ATP2C1: variants seen among roughly 807,000 people sequenced by gnomAD.
ATP2C1 encodes the protein calcium-transporting ATPase type 2C member 1.
In ATP2C1, 31 loss-of-function variants were observed where a neutral mutation model predicts 120.5. That is an observed-to-expected ratio of 0.26 (90% CI 0.19 to 0.35). ATP2C1 has a LOEUF of 0.35. ATP2C1 is among the 10% of genes least tolerant of loss of function. The pLI is 1.00. For missense variants in ATP2C1, 731 were observed against 1,107.5 expected, an observed-to-expected ratio of 0.66 and a Z score of 4.83; for synonymous variants, 351 against 358.7, an observed-to-expected ratio of 0.98 and a Z score of 0.24.
chr3:130,851,600 T>C lies in ATP2C1; in HGVS notation c.108+672T>C, dbSNP rs150051032. Among the ~76,000 whole-genome samples, 695 of 152,342 alleles carry C rather than the reference T, an allele frequency of 4.6e-3. 5 individuals are homozygous for C. Among genetic ancestry groups the C allele is most frequent in the African/African-American group, 0.016 (645 of 41,582 alleles). ...ATGCAGTCATTTTTATGGTGTGAGA[T>C]TTATATCATTCCATTTCTTTGATCT... On this transcript the variant is annotated intron_variant, in intron 1 of 26. Coordinates refer to the ATP2C1 transcript ENST00000504381.
intron 1 of ATP2C1, among the ~76,000 whole-genome samples, chr3:130,884,296 T>C (rs2068889989): frequency 6.6e-6 from 1 of 152,240 alleles, no homozygotes; most frequent in African/African-American, 2.4e-5. Context: ...TTGTTGAATT[T>C]CCACGTATCT....
At chr3:130,905,951 C>T (rs55812909) in intron 2 of ATP2C1, among the ~76,000 whole-genome samples, 3,219 of 152,090 alleles carry the variant, frequency 0.021, 119 homozygotes, top group African/African-American at 0.073. Flanking sequence ...TCATGCCCAT[C>T]GACTAAATCT....
At chr3:130,911,311 T>G (rs1179307737) in intron 2 of ATP2C1, among the ~76,000 whole-genome samples, 3 of 150,144 alleles carry the variant, frequency 2.0e-5, no homozygotes, top group Non-Finnish European at 4.4e-5. Flanking sequence ...TTATCATTTT[T>G]TATTGTGTCT....
chr3:130,953,534 A>G (rs907310078), intron 8 of ATP2C1, among the ~76,000 whole-genome samples: 3 of 152,206 alleles, frequency 2.0e-5, no homozygotes, highest in African/African-American at 7.2e-5. Context: ...CTAGATGAAG[A>G]TTGAGTCTTA....
rs753216597 is a variant in ATP2C1 at position 130,932,039 on chromosome 3, T to C, written c.135T>C (p.Gly45=). The C allele has an allele frequency of 3.0e-5, 49 of 1,610,800 alleles. No homozygotes were observed. Among genetic ancestry groups the C allele is most frequent in the Admixed American group, 6.7e-5 (4 of 59,984 alleles). ...TCTAATAGGCTGATCTTCAGAATGG[T>C]CTAAACAAATGTGAAGTTAGTCATA... ...ASILQADLQN[G]LNKCEVSHRR... The change falls in exon 4 of 28, where the codon GGT becomes GGC. Residue 45 remains glycine (G), a synonymous_variant. Coordinates refer to ENST00000510168, the MANE Select transcript of ATP2C1 (RefSeq NM_001378687.1).
chr3:130,979,916 A>G (rs1485703496), intron 19 of ATP2C1, among the ~76,000 whole-genome samples: 1 of 152,242 alleles, frequency 6.6e-6, no homozygotes, highest in Admixed American at 6.5e-5. Flanking sequence ...TTAATTTCCC[A>G]GAGCCTCTAA....
At chr3:130,957,146 C>G (rs2060616810) in intron 11 of ATP2C1, among the ~76,000 whole-genome samples, 1 of 152,122 alleles carries the variant, frequency 6.6e-6, no homozygotes, top group Admixed American at 6.6e-5. Context: ...AAAATTGCAA[C>G]CTCAGACACA....
intron 2 of ATP2C1, 28 bp from the exon 3 acceptor site, chr3:130,930,388 A>G (rs2059402450): frequency 1.4e-6 from 2 of 1,399,112 alleles, no homozygotes; most frequent in Non-Finnish European, 2.0e-6. Flanking sequence ...CTATATTCAA[A>G]TATTTTTTCT....
chr3:130,940,849 T>C (rs1464438426), intron 7 of ATP2C1, among the ~76,000 whole-genome samples, 158 bp downstream of exon 7: 1 of 151,078 alleles, frequency 6.6e-6, no homozygotes, highest in Non-Finnish European at 1.5e-5. Context: ...GTAGCAAAAC[T>C]GTACCATTGA....
downstream of ATP2C1, among the ~76,000 whole-genome samples, chr3:131,004,402 A>G (rs2108987574): frequency 6.6e-6 from 1 of 152,286 alleles, no homozygotes; most frequent in East Asian, 1.9e-4. Flanking sequence ...ATTTAATGAC[A>G]TTGTTTTGGG....
At position 130,967,431 on chromosome 3, in the gene ATP2C1, A is replaced by T; in HGVS notation, c.1308+12A>T. 1.2e-6 allele frequency: 2 copies of T among 1,609,222 alleles called. No individual in the cohort carries two copies. The highest frequency in any genetic ancestry group is 1.7e-6 in the Non-Finnish European group (2 of 1,175,814). ...CTCTTGCAATGAAGGTACGTACCTA[A>T]ATTTCTCTTCTTTGACATTTGAGAC... On this transcript the variant is annotated intron_variant, in intron 16 of 27. Coordinates refer to ENST00000510168, the MANE Select transcript of ATP2C1 (RefSeq NM_001378687.1).
chr3:130,926,857 T>C (rs917262888), intron 2 of ATP2C1, among the ~76,000 whole-genome samples: 2 of 152,242 alleles, frequency 1.3e-5, no homozygotes, highest in Non-Finnish European at 2.9e-5. Context: ...CTGGTTTTGG[T>C]TGCCCAGTAG....
intron 9 of ATP2C1, among the ~76,000 whole-genome samples, 172 bp from the exon 10 acceptor site, chr3:130,954,840 A>G (rs1263943995): frequency 6.6e-6 from 1 of 152,126 alleles, no homozygotes; most frequent in African/African-American, 2.4e-5. Context: ...TAAGGGGCAA[A>G]TGCTAATGAC....
intron 1 of ATP2C1, among the ~76,000 whole-genome samples, chr3:130,873,486 A>C (rs955019916): frequency 3.9e-5 from 6 of 152,176 alleles, no homozygotes; most frequent in African/African-American, 1.4e-4. Context: ...CACTTCCCTA[A>C]AAGTAATTTA....
At chr3:131,014,062 C>T (rs1002685923) in intron 26 of ATP2C1, 2 of 1,567,390 alleles carry the variant, frequency 1.3e-6, no homozygotes, top group Non-Finnish European at 1.7e-6. Flanking sequence ...GAGTTTTATT[C>T]AATGTTGGAG....
chr3:130,908,364 C>T (rs2058238659), intron 2 of ATP2C1, among the ~76,000 whole-genome samples: 1 of 151,748 alleles, frequency 6.6e-6, no homozygotes, highest in African/African-American at 2.4e-5. Flanking sequence ...AATGAAATGC[C>T]CTGTGAGCCA....
chr3:130,999,416 G>GT, intron 26 of ATP2C1, 102 bp from the exon 27 acceptor site: 1 of 1,135,570 alleles, frequency 8.8e-7, no homozygotes, highest in Non-Finnish European at 1.3e-6. Context: ...GCACAATTCA[G>GT]TGATAAAGTG....
chr3:130,877,642 G>A (rs955904802), intron 1 of ATP2C1, among the ~76,000 whole-genome samples: 1 of 151,894 alleles, frequency 6.6e-6, no homozygotes, highest in East Asian at 1.9e-4. Context: ...GAAACAACAG[G>A]TGCTGGAGAG....
At chr3:130,964,122 T>G (rs752460609) in intron 13 of ATP2C1, 27 bp downstream of exon 13, 1 of 1,610,910 alleles carries the variant, frequency 6.2e-7, no homozygotes. Flanking sequence ...AGCATTCTTA[T>G]GCAATGATGC....
Sources: allele counts gnomAD v4.1 joint callset (sites outside exome capture counted in the v4.1 genomes callset), GRCh38; gene constraint gnomAD v4.1.1; transcripts MANE v1.5; gene names NCBI Gene and HGNC (gene_info 2026-07-23, HGNC 2026-07-21).